The following OR2L13 variants were observed in gnomAD, a reference collection of about 807,000 sequenced individuals.
OR2L13 encodes the protein olfactory receptor 2L13.
Under a neutral mutation model 15.3 loss-of-function variants are expected in OR2L13, and 14 were observed. The observed-to-expected ratio is 0.91, with a 90% CI of 0.60 to 1.43. The LOEUF (loss-of-function observed/expected upper bound fraction) is 1.43. Ranked by LOEUF, OR2L13 falls within the 40% of genes most tolerant of loss-of-function variation. OR2L13 has a pLI of 0.00. For synonymous variants in OR2L13, 152 were observed against 142.9 expected, an observed-to-expected ratio of 1.06 and a Z score of -0.45; for missense variants, 367 against 387.9, an observed-to-expected ratio of 0.95 and a Z score of 0.45.
At chr1:248,051,236 CT>C in the OR2L13 span, 3 of 152,188 alleles carry the variant, frequency 2.0e-5, no homozygotes, top group Non-Finnish European at 4.4e-5. Context: ...ACTGTGGGTA[CT>C]TCATGTAAGT....
the OR2L13 span, among the ~76,000 whole-genome samples, chr1:248,024,791 G>C: frequency 1.3e-5 from 2 of 152,126 alleles, no homozygotes; most frequent in African/African-American, 2.4e-5. Context: ...CCAGTACCAC[G>C]CTGTTTTGGT....
chr1:248,010,290 CT>C, the OR2L13 span, among the ~76,000 whole-genome samples: 1 of 152,038 alleles, frequency 6.6e-6, no homozygotes, highest in African/African-American at 2.4e-5. Context: ...CCAAAATCTT[CT>C]GTTTGTTATG....
the OR2L13 span, among the ~76,000 whole-genome samples, chr1:248,033,609 GTTTTT>G: frequency 7.3e-6 from 1 of 136,192 alleles, no homozygotes. Context: ...GCTAATTTTT[GTTTTT>G]TTTTTTTTGT....
chr1:247,994,117 C>A, the OR2L13 span, among the ~76,000 whole-genome samples: 1 of 152,156 alleles, frequency 6.6e-6, no homozygotes, highest in Admixed American at 6.5e-5. Flanking sequence ...GAGTGATTGG[C>A]CGGGCACGGT....
chr1:247,974,535 A>G, the OR2L13 span, among the ~76,000 whole-genome samples: 1 of 152,038 alleles, frequency 6.6e-6, no homozygotes, highest in South Asian at 2.1e-4. Flanking sequence ...ATTTTTGTTA[A>G]TCTCTTACTT....
chr1:248,022,726 GTCCAAGA>G, the OR2L13 span: 24 of 1,613,926 alleles, frequency 1.5e-5, no homozygotes, highest in Non-Finnish European at 1.9e-5. Context: ...ACCTATCTAT[GTCCAAGA>G]TCCCTGCGAT....
the OR2L13 span, among the ~76,000 whole-genome samples, chr1:248,014,553 G>A: frequency 1.3e-5 from 2 of 152,096 alleles, no homozygotes; most frequent in African/African-American, 4.8e-5. Context: ...GAACCATGCA[G>A]TGGTTTTGTA....
the OR2L13 span, among the ~76,000 whole-genome samples, chr1:247,955,957 A>G: frequency 1.3e-5 from 2 of 149,134 alleles, no homozygotes; most frequent in Admixed American, 6.7e-5. Flanking sequence ...ATTAGATCCC[A>G]TTTGTCAATT....
At chr1:247,996,430 G>A in the OR2L13 span, among the ~76,000 whole-genome samples, 1 of 152,182 alleles carries the variant, frequency 6.6e-6, no homozygotes, top group Non-Finnish European at 1.5e-5. Flanking sequence ...ATCTAAAAAT[G>A]TAAAATAAAG....
At chr1:248,077,537 A>C in the OR2L13 span, among the ~76,000 whole-genome samples, 1 of 152,168 alleles carries the variant, frequency 6.6e-6, no homozygotes, top group East Asian at 1.9e-4. Context: ...TTGTCTATTC[A>C]GAAATTCACC....
the OR2L13 span, among the ~76,000 whole-genome samples, chr1:248,082,718 C>T: frequency 6.6e-6 from 1 of 152,094 alleles, no homozygotes; most frequent in African/African-American, 2.4e-5. Context: ...TAGAAGGTGT[C>T]CCAAACTTTT....
the OR2L13 span, among the ~76,000 whole-genome samples, chr1:248,088,322 G>A: frequency 6.6e-6 from 1 of 151,906 alleles, no homozygotes; most frequent in Non-Finnish European, 1.5e-5. Context: ...TGCTTGGATA[G>A]CCTATAAACT....
the OR2L13 span, chr1:248,062,462 A>T: frequency 6.6e-6 from 1 of 152,160 alleles, no homozygotes; most frequent in Admixed American, 6.5e-5. Context: ...GTCAAAAATC[A>T]GTTGCACAGA....
At chr1:248,070,888 A>C in the OR2L13 span, among the ~76,000 whole-genome samples, 1 of 152,326 alleles carries the variant, frequency 6.6e-6, no homozygotes, top group African/African-American at 2.4e-5. Flanking sequence ...GAAATGGATA[A>C]ATTCCTCGAC....
the OR2L13 span, among the ~76,000 whole-genome samples, chr1:247,999,574 A>G: frequency 1.4e-4 from 22 of 152,174 alleles, no homozygotes; most frequent in African/African-American, 4.8e-4. Flanking sequence ...GTTACCTACA[A>G]CATTATGTAC....
chr1:248,017,291 CCT>C, the OR2L13 span, among the ~76,000 whole-genome samples: 1 of 152,152 alleles, frequency 6.6e-6, no homozygotes, highest in Non-Finnish European at 1.5e-5. Context: ...AAAAAAATGT[CCT>C]CTTCACATTA....
At chr1:248,073,738 AAG>A in the OR2L13 span, among the ~76,000 whole-genome samples, 1 of 151,880 alleles carries the variant, frequency 6.6e-6, no homozygotes, top group African/African-American at 2.4e-5. Context: ...TCATTAATGA[AAG>A]AGTGCATGGT....
the OR2L13 span, chr1:248,004,127 G>C: frequency 2.2e-6 from 3 of 1,347,666 alleles, no homozygotes; most frequent in Admixed American, 4.7e-5. Context: ...GCAGTGTATA[G>C]TAATTAAAAT....
chr1:248,014,007 T>C, the OR2L13 span, among the ~76,000 whole-genome samples: 3 of 152,126 alleles, frequency 2.0e-5, no homozygotes, highest in African/African-American at 7.2e-5. Flanking sequence ...TATTAAACTA[T>C]GCTTTTTTGG....
Sources: allele counts gnomAD v4.1 joint callset (sites outside exome capture counted in the v4.1 genomes callset), GRCh38; gene constraint gnomAD v4.1.1; transcripts MANE v1.5; gene names NCBI Gene and HGNC (gene_info 2026-07-23, HGNC 2026-07-21).